Variants in PHLDB3 observed in about 807,000 individuals in gnomAD.
PHLDB3 encodes the protein pleckstrin homology like domain family B member 3, also known as pleckstrin homology-like domain family B member 3.
A neutral mutation model predicts 85.7 loss-of-function variants in PHLDB3; 86 were observed. That is an observed-to-expected ratio of 1.00 (90% CI 0.84 to 1.20). The LOEUF is 1.20. Ranked by LOEUF, PHLDB3 falls within the 50% of genes most tolerant of loss-of-function variation. The pLI is 0.00. For synonymous variants in PHLDB3, 376 were observed against 349.8 expected, an observed-to-expected ratio of 1.07 and a Z score of -0.83; for missense variants, 995 against 873.0, an observed-to-expected ratio of 1.14 and a Z score of -1.76.
At chr19:43,498,478 CAAAA>C (rs892244632) in intron 4 of PHLDB3, among the ~76,000 whole-genome samples, 2 of 149,924 alleles carry the variant, frequency 1.3e-5, no homozygotes, top group African/African-American at 4.9e-5. Flanking sequence ...GAAAGAGAAA[CAAAA>C]AGGAAGGAAG....
chr19:43,501,790 C>T lies in PHLDB3; in HGVS notation c.478G>A (p.Glu160Lys). 6.3e-7 allele frequency: 1 copy of T among 1,586,482 alleles called. No individual in the cohort carries two copies. ...AARREEEQLRELLEQQAASEQ... is the reference protein window; with the variant it reads ...AARREEEQLRKLLEQQAASEQ... The stretch of plus-strand genomic sequence containing the variant: ...GAGGCCGCCTGCTGCTCCAGCAGCT[C>T]CCGCAGCTGCTCCTCCTCCCGGCGA... Residue 160 changes from glutamate to lysine, a missense_variant, in exon 4 of 16, where the codon GAG (glutamate) becomes AAG (lysine). Coordinates refer to ENST00000292140, the MANE Select transcript of PHLDB3 (RefSeq NM_198850.4).
Position 43,502,279 on chromosome 19 carries a change from TC to T in PHLDB3, c.217del (p.Glu73ArgfsTer6). On this transcript the variant is annotated frameshift_variant, in exon 3 of 16. Transcript: ENST00000292140. LOFTEE classifies it high-confidence loss of function. ...CGCCATAGCTATCGGAGGCGTAGCCTCGGGCTGAAGTTGAGGGGGGCGTGGT... is the reference window on the plus strand; with the variant it reads ...CGCCATAGCTATCGGAGGCGTAGCCTGGGCTGAAGTTGAGGGGGGCGTGGT... ...SSTESSRDAP[E>X]ATPPIAMAAT... The T allele has an allele frequency of 6.4e-7, 1 of 1,555,604 alleles. No homozygotes were observed. Among genetic ancestry groups the T allele is most frequent in the Non-Finnish European group, 8.7e-7 (1 of 1,155,010 alleles).
At chr19:43,499,514 C>A (rs192632010) in intron 4 of PHLDB3, among the ~76,000 whole-genome samples, 1 of 151,814 alleles carries the variant, frequency 6.6e-6, no homozygotes, top group Non-Finnish European at 1.5e-5. Flanking sequence ...GTAGCCAGTA[C>A]CCTAGGAAGA....
At chr19:43,486,519 T>C in intron 12 of PHLDB3, 90 bp downstream of exon 12, 1 of 1,458,352 alleles carries the variant, frequency 6.9e-7, no homozygotes, top group Non-Finnish European at 9.3e-7. Flanking sequence ...CCCCTGGGTC[T>C]GAGGGAGGTG....
intron 13 of PHLDB3, among the ~76,000 whole-genome samples, chr19:43,484,231 AC>A (rs1971104749): frequency 6.6e-6 from 1 of 151,374 alleles, no homozygotes; most frequent in South Asian, 2.1e-4. Flanking sequence ...AGCTTGGGCA[AC>A]AAAGTGAGAC....
At chr19:43,486,144 A>C in intron 13 of PHLDB3, 122 bp downstream of exon 13, 1 of 1,409,882 alleles carries the variant, frequency 7.1e-7, no homozygotes, top group Non-Finnish European at 9.2e-7. Flanking sequence ...TTCCCTTGCC[A>C]AGCCCAGGAC....
intron 2 of PHLDB3, among the ~76,000 whole-genome samples, chr19:43,503,433 G>A (rs936732059): frequency 4.6e-5 from 7 of 152,106 alleles, no homozygotes; most frequent in African/African-American, 1.7e-4. Flanking sequence ...CTCCCGAGTA[G>A]CTGGGATTAC....
chr19:43,503,820 T>C (rs1225480384), intron 2 of PHLDB3, 86 bp downstream of exon 2: 5 of 1,498,800 alleles, frequency 3.3e-6, no homozygotes, highest in Non-Finnish European at 4.6e-6. Context: ...TCTTTCTGGT[T>C]TCCCTCTACC....
chr19:43,481,606 G>A (rs536955021), intron 13 of PHLDB3, among the ~76,000 whole-genome samples: 6 of 151,614 alleles, frequency 4.0e-5, no homozygotes, highest in South Asian at 2.1e-4. Flanking sequence ...CAACAAGAGC[G>A]AAACTCCATC....
Position 43,491,961 on chromosome 19 carries a change from T to G in PHLDB3, c.1149+2741A>C, listed in dbSNP as rs1044966646. ...CACCTGGCCGTTTTTTTTTTTTTGT[T>G]TTTTTTTTTTTTGAGACAGAGTCTC... is the stretch of plus-strand genomic sequence containing the variant. On this transcript the variant is annotated intron_variant, in intron 9 of 15. Transcript: ENST00000292140. Among the ~76,000 whole-genome samples, 15 of 143,818 alleles carry G rather than the reference T, an allele frequency of 1.0e-4. 1 individual carries two copies. Among genetic ancestry groups the G allele is most frequent in the African/African-American group, 3.8e-4 (15 of 39,114 alleles). The allele number at this position is 143,818 out of a possible 152,430, so 94.4% of individuals were successfully genotyped here. A position where few individuals can be genotyped will look rare whatever the true frequency, so the allele number is the denominator to read the frequency against.
At chr19:43,495,363 C>G (rs771372966) in intron 7 of PHLDB3, 24 bp from the exon 8 acceptor site, 17 of 1,609,898 alleles carry the variant, frequency 1.1e-5, no homozygotes, top group Non-Finnish European at 1.4e-5. Flanking sequence ...TGGACAGCTA[C>G]GTGTCAAAGT....
chr19:43,503,280 G>GTCTCTCTCTC (rs57901463), intron 2 of PHLDB3, among the ~76,000 whole-genome samples: 6,936 of 141,646 alleles, frequency 0.049, 241 homozygotes, highest in Non-Finnish European at 0.055. Context: ...TGTCTATCTG[G>GTCTCTCTCTC]TCTCTCTCTC....
In PHLDB3 at chr19:43,483,281, C is replaced by CT. The variant is rs995373217; in HGVS notation, c.1485+2984dup. On this transcript the variant is annotated intron_variant, in intron 13 of 15. Transcript: ENST00000292140. Reference sequence around the variant, plus strand: ...CTTTCTTAATACTTTATCTATCATTCTTTTTTTTTTTTGAGGCAGGGTCTC... The same window carrying CT: ...CTTTCTTAATACTTTATCTATCATTCTTTTTTTTTTTTTGAGGCAGGGTCTC... Among the ~76,000 whole-genome samples the CT allele has an allele frequency of 2.9e-3, 427 of 145,572 alleles. 2 individuals carry two copies. The highest frequency in any genetic ancestry group is 7.8e-3 in the African/African-American group (313 of 39,952).
At chr19:43,477,108 C>G (rs534249290) in intron 15 of PHLDB3, among the ~76,000 whole-genome samples, 1 of 152,324 alleles carries the variant, frequency 6.6e-6, no homozygotes, top group East Asian at 1.9e-4. Context: ...CCTGGCAGAT[C>G]ATCTCCTTTA....
chr19:43,485,320 C>G (rs1266452132), intron 13 of PHLDB3, among the ~76,000 whole-genome samples: 1 of 151,154 alleles, frequency 6.6e-6, no homozygotes, highest in Non-Finnish European at 1.5e-5. Flanking sequence ...TCAAGCAATT[C>G]TCTGCCTCAG....
chr19:43,497,850 C>A lies in PHLDB3; in HGVS notation c.561G>T (p.Arg187=). 6.3e-7 allele frequency: 1 copy of A among 1,583,168 alleles called. No homozygotes were observed. The highest frequency in any genetic ancestry group is 2.3e-5 in the East Asian group (1 of 43,284). ...EQEQRRLSQE[R]DRLEGLRQRL... is the part of the protein sequence containing the mutation. Reference sequence around the variant, plus strand: ...TCTGGCGAAGACCCTCTAGGCGATCCCGTTCCTGGCTCAGCCGCCTCTGTT... The same window carrying A: ...TCTGGCGAAGACCCTCTAGGCGATCACGTTCCTGGCTCAGCCGCCTCTGTT... The change falls in exon 5 of 16, where the codon CGG becomes CGT. Residue 187 remains arginine (R), a synonymous_variant. Coordinates refer to ENST00000292140, the MANE Select transcript of PHLDB3 (RefSeq NM_198850.4).
intron 6 of PHLDB3, 45 bp from the exon 7 acceptor site, chr19:43,495,665 G>A: frequency 3.2e-6 from 5 of 1,574,954 alleles, no homozygotes; most frequent in Non-Finnish European, 4.3e-6. Flanking sequence ...AGCTCTCCAG[G>A]CCACCCTCCC....
intron 13 of PHLDB3, among the ~76,000 whole-genome samples, chr19:43,480,504 G>A (rs994739287): frequency 6.6e-6 from 1 of 151,904 alleles, no homozygotes; most frequent in Non-Finnish European, 1.5e-5. Context: ...AGCCCAGGAG[G>A]ATCACTTGAG....
Position 43,486,280 on chromosome 19 carries a change from C to T in PHLDB3, c.1471G>A (p.Val491Ile). Residue 491 changes from valine to isoleucine, a missense_variant, in exon 13 of 16, where the codon GTT (valine) becomes ATT (isoleucine). Transcript: ENST00000292140. ...RGTEGSSGPA[V>I]PAITAPPTPP... ...GTGGGACTGACCGTGATGGCAGGAACAGCAGGGCCTGAGGAACCTTCCGTG... is the reference window on the plus strand; with the variant it reads ...GTGGGACTGACCGTGATGGCAGGAATAGCAGGGCCTGAGGAACCTTCCGTG... 6.2e-7 allele frequency: 1 copy of T among 1,610,578 alleles called. No homozygotes were observed.
Sources: allele counts gnomAD v4.1 joint callset (sites outside exome capture counted in the v4.1 genomes callset), GRCh38; gene constraint gnomAD v4.1.1; transcripts MANE v1.5; gene names NCBI Gene and HGNC (gene_info 2026-07-23, HGNC 2026-07-21).